Variants in NACC1 observed in about 807,000 individuals in gnomAD.
NACC1 encodes nucleus accumbens associated 1.
Under a neutral mutation model 41.7 loss-of-function variants are expected in NACC1, and 6 were observed. The observed-to-expected ratio is 0.14, with a 90% CI of 0.08 to 0.28. The LOEUF is 0.28. NACC1 is among the 10% of genes least tolerant of loss of function. NACC1 has a pLI of 1.00. For missense variants in NACC1, 434 were observed against 763.7 expected (o/e 0.57, Z 5.09); for synonymous variants, 338 against 330.6 (o/e 1.02, Z -0.24).
chr19:13,120,133 C>T lies in NACC1; in HGVS notation c.-9+1679C>T, dbSNP rs555168936. 2.6e-5 allele frequency among the ~76,000 whole-genome samples: 4 copies of T among 152,202 alleles called. No homozygotes were observed. In the East Asian group the frequency reaches 5.8e-4, roughly 22 times the overall value. On this transcript the variant is annotated intron_variant, in intron 1 of 5. Coordinates refer to ENST00000292431, the MANE Select transcript of NACC1 (RefSeq NM_052876.4). ...TCCCCTTTGGGACAGACTGAGTTTC[C>T]ATGGTGTCCCCGGGGAATGGAACAG...
intron 1 of NACC1, among the ~76,000 whole-genome samples, chr19:13,124,016 G>C (rs929212686): frequency 6.6e-5 from 10 of 152,138 alleles, no homozygotes; most frequent in African/African-American, 2.2e-4. Context: ...GCTTGAGTAG[G>C]GGACACTGTT....
intron 1 of NACC1, among the ~76,000 whole-genome samples, chr19:13,127,027 G>A (rs550214094): frequency 1.3e-5 from 2 of 152,002 alleles, no homozygotes; most frequent in Non-Finnish European, 2.9e-5. Flanking sequence ...TTGAGCCCAG[G>A]AGTTTGAGAC....
At chr19:13,133,962 G>C (rs559783830) in intron 1 of NACC1, among the ~76,000 whole-genome samples, 81 of 152,314 alleles carry the variant, frequency 5.3e-4, no homozygotes, top group South Asian at 4.1e-4. Flanking sequence ...GTGGGTGTGA[G>C]ATGGTGTCTC....
chr19:13,118,506 C>T (rs891184897), intron 1 of NACC1, 52 bp downstream of exon 1: 1 of 151,086 alleles, frequency 6.6e-6, no homozygotes. Flanking sequence ...CCGGGGCGGC[C>T]CGAGGGCTGA....
At chr19:13,119,554 T>C (rs2019462077) in intron 1 of NACC1, among the ~76,000 whole-genome samples, 1 of 152,154 alleles carries the variant, frequency 6.6e-6, no homozygotes, top group Non-Finnish European at 1.5e-5. Flanking sequence ...TCAAGCCTAG[T>C]GGATGGGACC....
In NACC1 at chr19:13,140,881, A is replaced by C. The variant is rs2019782339; in HGVS notation, c.*2475A>C. On this transcript the variant is annotated 3_prime_UTR_variant, in exon 6 of 6. Coordinates refer to ENST00000292431, the MANE Select transcript of NACC1 (RefSeq NM_052876.4). The surrounding 1 kb of genome is among the most constrained non-coding windows in gnomAD (Gnocchi z 4.0). ...ATGGAGAATCACCAACCACCAGAGA[A>C]AAAAGACTGTGGGGCCCTCCCCTGC... is the stretch of plus-strand genomic sequence containing the variant. 6.6e-6 allele frequency: 1 copy of C among 152,574 alleles called. No homozygotes were observed. The highest frequency in any genetic ancestry group is 2.4e-5 in the African/African-American group (1 of 41,348). The allele number at this position is 152,574 out of a possible 1,614,324, so 9.5% of individuals were successfully genotyped here.
chr19:13,135,049 T>C (rs2019681763), intron 1 of NACC1, among the ~76,000 whole-genome samples, 151 bp from the exon 2 acceptor site: 1 of 152,228 alleles, frequency 6.6e-6, no homozygotes, highest in African/African-American at 2.4e-5. Flanking sequence ...TAGAGGGCTC[T>C]GTGTGGTTTA....
upstream of NACC1, chr19:13,117,243 A>G (rs2019398294): frequency 6.6e-6 from 1 of 152,270 alleles, no homozygotes; most frequent in Admixed American, 6.5e-5. Context: ...AAGGCAGGAC[A>G]GCGAAGTGGT....
At position 13,139,830 on chromosome 19, in the gene NACC1, T is replaced by C. The variant is rs2019762660; in HGVS notation, c.*1424T>C. 6.6e-6 allele frequency: 1 copy of C among 152,170 alleles called. No homozygotes were observed. 9.4% of individuals were successfully genotyped at this position (152,170 alleles called of 1,614,324 possible). A position where few individuals can be genotyped will look rare whatever the true frequency, so the allele number is the denominator to read the frequency against. On this transcript the variant is annotated 3_prime_UTR_variant, in exon 6 of 6. Coordinates refer to ENST00000292431, the MANE Select transcript of NACC1 (RefSeq NM_052876.4). ...ATTTTCATGTGAAGGCAGTTTTTTT[T>C]CTTTTTTAACTCCCCATCCCCCTAT...
Position 13,136,476 on chromosome 19 carries a change from A to G in NACC1, c.1120+71A>G. 6.6e-7 allele frequency: 1 copy of G among 1,517,338 alleles called. No homozygotes were observed. The allele number at this position is 1,517,338 out of a possible 1,614,324, so 94.0% of individuals were successfully genotyped here. On this transcript the variant is annotated intron_variant, in intron 3 of 5. Coordinates refer to ENST00000292431, the MANE Select transcript of NACC1 (RefSeq NM_052876.4). The surrounding 1 kb of genome is among the most constrained non-coding windows in gnomAD (Gnocchi z 5.5). Reference sequence around the variant, plus strand: ...CCGGCTGGCCTGGGCTGGGCTGGGCAGCTGGTTAGGAGCCCCCAGCACCTC... The same window carrying G: ...CCGGCTGGCCTGGGCTGGGCTGGGCGGCTGGTTAGGAGCCCCCAGCACCTC...
intron 1 of NACC1, among the ~76,000 whole-genome samples, chr19:13,127,370 A>ATTTTTTTTT (rs1491187460): frequency 3.8e-4 from 17 of 44,812 alleles, no homozygotes; most frequent in South Asian, 1.1e-3. Context: ...ATATACATAT[A>ATTTTTTTTT]CTTTTTTTTT....
At position 13,121,900 on chromosome 19, in the gene NACC1, C is replaced by T. The variant is rs564280156; in HGVS notation, c.-9+3446C>T. ...TTTGACACACAAGGCAACTGAGGCA[C>T]CCTAGTCCTTCCTTCACACAAGCTG... On this transcript the variant is annotated intron_variant, in intron 1 of 5. Transcript: ENST00000292431. 1.2e-4 allele frequency among the ~76,000 whole-genome samples: 18 copies of T among 152,334 alleles called. No individual in the cohort carries two copies. The East Asian group carries it at 3.5e-3, about 29-fold the overall frequency.
intron 1 of NACC1, among the ~76,000 whole-genome samples, chr19:13,126,984 G>A (rs1367296580): frequency 6.6e-6 from 1 of 152,022 alleles, no homozygotes; most frequent in African/African-American, 2.4e-5. Flanking sequence ...CCTGTAGTCC[G>A]AGCACTTTGG....
Position 13,136,412 on chromosome 19 carries a change from C to A in NACC1, c.1120+7C>A. 6.2e-7 allele frequency: 1 copy of A among 1,607,470 alleles called. No homozygotes were observed. The highest frequency in any genetic ancestry group is 8.5e-7 in the Non-Finnish European group (1 of 1,176,734). On this transcript the variant is annotated splice_region_variant and intron_variant, in intron 3 of 5. Transcript: ENST00000292431. The surrounding 1 kb of genome is among the most constrained non-coding windows in gnomAD (Gnocchi z 5.5). ...AAGCTGGAGCTGGTGACAGGTGGGC[C>A]GGTCTCGCCCCAGATCTCTCCCCTC...
At position 13,137,455 on chromosome 19, in the gene NACC1, C is replaced by T. The variant is rs1405418245; in HGVS notation, c.1227-23C>T. The T allele has an allele frequency of 3.7e-6, 6 of 1,608,930 alleles. No homozygotes were observed. The South Asian group carries it at 5.5e-5, about 15-fold the overall frequency. ...CCCACCACCAACTTGAGCGCTGACT[C>T]CCTCCATGTCCCCTGCCCCCAGGAA... On this transcript the variant is annotated intron_variant, in intron 4 of 5. Coordinates refer to ENST00000292431, the MANE Select transcript of NACC1 (RefSeq NM_052876.4). The surrounding 1 kb of genome is among the most constrained non-coding windows in gnomAD (Gnocchi z 6.1).
At chr19:13,130,357 C>T (rs2019618119) in intron 1 of NACC1, among the ~76,000 whole-genome samples, 1 of 152,052 alleles carries the variant, frequency 6.6e-6, no homozygotes, top group African/African-American at 2.4e-5. Flanking sequence ...TGATTACAGG[C>T]GTGAGCCACC....
intron 1 of NACC1, among the ~76,000 whole-genome samples, chr19:13,128,610 C>T (rs548725544): frequency 2.0e-5 from 3 of 152,326 alleles, no homozygotes; most frequent in African/African-American, 7.2e-5. Context: ...CACTACTGCC[C>T]TTCCTAGATC....
intron 1 of NACC1, among the ~76,000 whole-genome samples, chr19:13,122,312 G>A (rs1269313448): frequency 1.3e-5 from 2 of 152,078 alleles, no homozygotes; most frequent in Non-Finnish European, 2.9e-5. Context: ...GAGCAGACAC[G>A]GTCTAGTAGA....
intron 1 of NACC1, among the ~76,000 whole-genome samples, chr19:13,124,103 A>T (rs1235850030): frequency 6.6e-6 from 1 of 152,208 alleles, no homozygotes; most frequent in Non-Finnish European, 1.5e-5. Flanking sequence ...TGGGTGTATA[A>T]GAAAAAAAAT....
Sources: gnomAD v4.1 joint callset for allele counts (sites outside exome capture counted in the v4.1 genomes callset) on GRCh38, gnomAD v4.1.1 for gene constraint, Gnocchi (gnomAD v3.1) non-coding constraint, MANE v1.5 for transcripts, NCBI Gene and HGNC (gene_info 2026-07-23, HGNC 2026-07-21) for gene names.